The following DGKB variants were observed in gnomAD, a reference collection of about 807,000 sequenced individuals.
DGKB encodes the protein diacylglycerol kinase beta, also known as 90 kDa diacylglycerol kinase.
Under a neutral mutation model 114.3 loss-of-function variants are expected in DGKB, and 67 were observed. The observed-to-expected ratio is 0.59, with a 90% CI of 0.48 to 0.72. The LOEUF is 0.72. Ranked by LOEUF, DGKB falls within the 30% of genes least tolerant of loss-of-function variation. DGKB has a pLI of 0.00. For missense variants in DGKB, 907 were observed against 975.2 expected (o/e 0.93, Z 0.93); for synonymous variants, 398 against 323.1 (o/e 1.23, Z -2.49).
chr7:14,279,735 T>C (rs927544333), intron 23 of DGKB, among the ~76,000 whole-genome samples: 1 of 151,040 alleles, frequency 6.6e-6, no homozygotes, highest in African/African-American at 2.4e-5. Context: ...GGAGGCACCC[T>C]CCAGCAGGGG....
chr7:14,385,073 C>G (rs1820103950), intron 21 of DGKB, among the ~76,000 whole-genome samples: 1 of 152,052 alleles, frequency 6.6e-6, no homozygotes, highest in Admixed American at 6.5e-5. Context: ...TTGCTGTACT[C>G]CTTCCTTGTT....
intron 1 of DGKB, among the ~76,000 whole-genome samples, chr7:14,933,203 C>T (rs1004486480): frequency 1.5e-4 from 23 of 152,310 alleles, no homozygotes; most frequent in African/African-American, 5.5e-4. Flanking sequence ...TAATCTACTA[C>T]TAAAACATCA....
intron 17 of DGKB, among the ~76,000 whole-genome samples, chr7:14,605,445 T>C (rs1019164903): frequency 4.0e-5 from 6 of 150,966 alleles, no homozygotes; most frequent in Non-Finnish European, 7.4e-5. Context: ...ATATGCTCAT[T>C]TATATGTGTG....
chr7:14,186,943 C>A (rs1254867363), intron 23 of DGKB, among the ~76,000 whole-genome samples: 1 of 151,904 alleles, frequency 6.6e-6, no homozygotes, highest in Non-Finnish European at 1.5e-5. Flanking sequence ...ATGGGTGCAC[C>A]AAAATGTCAC....
At chr7:14,460,584 G>C (rs1257528948) in intron 21 of DGKB, among the ~76,000 whole-genome samples, 2 of 151,842 alleles carry the variant, frequency 1.3e-5, no homozygotes, top group Admixed American at 6.6e-5. Flanking sequence ...ATCCAATACA[G>C]GGGGACGCAG....
intron 13 of DGKB, among the ~76,000 whole-genome samples, chr7:14,647,455 T>A (rs184365627): frequency 7.2e-5 from 11 of 152,048 alleles, no homozygotes; most frequent in Admixed American, 2.6e-4. Context: ...AACAAAAAAA[T>A]AGACCATACT....
intron 13 of DGKB, among the ~76,000 whole-genome samples, chr7:14,647,872 A>G (rs554320207): frequency 2.0e-5 from 3 of 152,192 alleles, no homozygotes; most frequent in Non-Finnish European, 4.4e-5. Flanking sequence ...TGAGTCAAAG[A>G]AAGGGGTGAC....
intron 1 of DGKB, among the ~76,000 whole-genome samples, chr7:14,918,081 C>T (rs189231987): frequency 5.3e-5 from 8 of 152,170 alleles, no homozygotes; most frequent in African/African-American, 1.7e-4. Context: ...ATCTCAATTG[C>T]TAACAGGAGA....
chr7:14,341,210 T>C (rs1354135541), intron 22 of DGKB, among the ~76,000 whole-genome samples: 1 of 151,772 alleles, frequency 6.6e-6, no homozygotes, highest in Non-Finnish European at 1.5e-5. Context: ...AGCAGGACAA[T>C]GTACTTAAAT....
At chr7:14,656,755 C>T (rs1442265207) in intron 13 of DGKB, among the ~76,000 whole-genome samples, 6 of 148,178 alleles carry the variant, frequency 4.0e-5, no homozygotes, top group Non-Finnish European at 6.0e-5. Context: ...AGGATATATA[C>T]ACACACACAC....
At chr7:14,891,048 G>T (rs2128225404) in intron 1 of DGKB, among the ~76,000 whole-genome samples, 1 of 151,380 alleles carries the variant, frequency 6.6e-6, no homozygotes, top group South Asian at 2.1e-4. Context: ...ATAAAAGAGA[G>T]GAAAATATGG....
In DGKB at chr7:14,769,280, A is replaced by AAGAAAGAAAG. The variant is rs562853033; in HGVS notation, c.71-11550_71-11549insCTTTCTTTCT. On this transcript the variant is annotated intron_variant, in intron 2 of 25. Coordinates refer to ENST00000402815, the MANE Select transcript of DGKB (RefSeq NM_001350709.2). Reference sequence around the variant, plus strand: ...AAAGAAAGAAAGAAAGAAAGAAAGAAAGATTTTGTAAAGGAGTTTAGTTAC... The same window carrying AAGAAAGAAAG: ...AAAGAAAGAAAGAAAGAAAGAAAGAAAGAAAGAAAGAGATTTTGTAAAGGAGTTTAGTTAC... Among the ~76,000 whole-genome samples the AAGAAAGAAAG allele has an allele frequency of 1.5e-4, 22 of 147,392 alleles. No individual in the cohort carries two copies. The East Asian group carries it at 2.0e-3, about 14-fold the overall frequency.
intron 18 of DGKB, 34 bp downstream of exon 18, chr7:14,583,018 C>T (rs750805583): frequency 3.6e-5 from 49 of 1,365,774 alleles, no homozygotes; most frequent in Non-Finnish European, 5.0e-5. Flanking sequence ...CTATTGCTCT[C>T]TCCCCAGCCA....
chr7:14,401,931 AT>A (rs1823165370), intron 21 of DGKB, among the ~76,000 whole-genome samples: 1 of 151,084 alleles, frequency 6.6e-6, no homozygotes, highest in East Asian at 2.0e-4. Context: ...GAGGAAATCT[AT>A]CTCAAGAAAA....
chr7:14,959,512 G>A (rs948865628), intron 1 of DGKB, among the ~76,000 whole-genome samples: 1 of 151,620 alleles, frequency 6.6e-6, no homozygotes, highest in Non-Finnish European at 1.5e-5. Flanking sequence ...GGTATTTACA[G>A]CCCTAGGATT....
At chr7:14,946,594 A>G (rs1785895574) in intron 1 of DGKB, among the ~76,000 whole-genome samples, 1 of 151,768 alleles carries the variant, frequency 6.6e-6, no homozygotes, top group Admixed American at 6.6e-5. Flanking sequence ...ACACATACAC[A>G]CAAATATCAG....
At chr7:14,926,875 C>T (rs1040407008) in intron 1 of DGKB, among the ~76,000 whole-genome samples, 3 of 151,984 alleles carry the variant, frequency 2.0e-5, no homozygotes, top group African/African-American at 7.2e-5. Context: ...TCCTTTGATG[C>T]TTTGCTGAAT....
At chr7:14,338,852 T>G in intron 22 of DGKB, 142 bp from the exon 23 acceptor site, 1 of 487,692 alleles carries the variant, frequency 2.1e-6, no homozygotes, top group Non-Finnish European at 3.4e-6. Context: ...CAAGAACACT[T>G]AAACACTTAC....
intron 7 of DGKB, among the ~76,000 whole-genome samples, chr7:14,700,148 T>C (rs1208021152): frequency 6.6e-6 from 1 of 152,060 alleles, no homozygotes; most frequent in African/African-American, 2.4e-5. Flanking sequence ...ATTATGTAGC[T>C]TGGTATTTCT....
Sources: allele counts gnomAD v4.1 joint callset (sites outside exome capture counted in the v4.1 genomes callset), GRCh38; gene constraint gnomAD v4.1.1; transcripts MANE v1.5; gene names NCBI Gene and HGNC (gene_info 2026-07-23, HGNC 2026-07-21).